RPS6KC1: variants seen among roughly 807,000 people sequenced by gnomAD.
The protein encoded by RPS6KC1 is ribosomal protein S6 kinase C1.
A neutral mutation model predicts 103.8 loss-of-function variants in RPS6KC1; 54 were observed. That is an observed-to-expected ratio of 0.52 (90% CI 0.42 to 0.65). The LOEUF is 0.65. Ranked by LOEUF, RPS6KC1 falls within the 30% of genes least tolerant of loss-of-function variation. RPS6KC1 has a pLI of 0.00. For synonymous variants in RPS6KC1, 439 were observed against 438.7 expected, an observed-to-expected ratio of 1.00 and a Z score of -0.01; for missense variants, 1,151 against 1,253.8, an observed-to-expected ratio of 0.92 and a Z score of 1.24.
chr1:213,490,702 T>G, the RPS6KC1 span, among the ~76,000 whole-genome samples: 1 of 152,012 alleles, frequency 6.6e-6, no homozygotes, highest in Admixed American at 6.6e-5. Context: ...GGACTGTGAG[T>G]AGTGTAGAAG....
At chr1:213,225,219 C>G (rs2093931723) in intron 8 of RPS6KC1, among the ~76,000 whole-genome samples, 1 of 152,124 alleles carries the variant, frequency 6.6e-6, no homozygotes, top group Admixed American at 6.5e-5. Context: ...AATCATTTAG[C>G]CAACACCTGT....
chr1:213,387,033 C>T, the RPS6KC1 span, among the ~76,000 whole-genome samples: 30 of 152,338 alleles, frequency 2.0e-4, no homozygotes, highest in African/African-American at 6.7e-4. Context: ...ATTGCTAGAG[C>T]GCCTTTTGTG....
chr1:213,669,034 T>C, the RPS6KC1 span, among the ~76,000 whole-genome samples: 1 of 152,224 alleles, frequency 6.6e-6, no homozygotes, highest in Non-Finnish European at 1.5e-5. Flanking sequence ...CCACTCAAAC[T>C]TTCTTCATAT....
At chr1:213,204,191 A>G (rs920979618) in intron 8 of RPS6KC1, among the ~76,000 whole-genome samples, 1 of 152,168 alleles carries the variant, frequency 6.6e-6, no homozygotes, top group Non-Finnish European at 1.5e-5. Flanking sequence ...TTTATGTCTG[A>G]TATCTGTGTG....
rs116589833 is a variant in RPS6KC1 at position 213,229,981 on chromosome 1, T to C, written c.1045-516T>C. On this transcript the variant is annotated intron_variant, in intron 8 of 14. Coordinates refer to ENST00000366960, the MANE Select transcript of RPS6KC1 (RefSeq NM_012424.6). ...AAGGTGAGTTCAGATTCTGGATACA[T>C]TTTGAAGACAGAGCTGACAGGATTT... Among the ~76,000 whole-genome samples the C allele has an allele frequency of 7.0e-3, 1,067 of 152,258 alleles. 14 individuals are homozygous for C. Among genetic ancestry groups the C allele is most frequent in the African/African-American group, 0.024 (1,011 of 41,550 alleles).
At chr1:213,143,981 C>T (rs540832993) in intron 6 of RPS6KC1, among the ~76,000 whole-genome samples, 6 of 152,148 alleles carry the variant, frequency 3.9e-5, no homozygotes, top group South Asian at 4.1e-4. Context: ...TTCATAGTTA[C>T]ATTTCACAGT....
At chr1:213,497,283 A>C in the RPS6KC1 span, among the ~76,000 whole-genome samples, 1 of 152,174 alleles carries the variant, frequency 6.6e-6, no homozygotes, top group Non-Finnish European at 1.5e-5. Flanking sequence ...TATATGCCTC[A>C]ACTGAAAACC....
the RPS6KC1 span, among the ~76,000 whole-genome samples, chr1:213,699,802 G>A: frequency 3.1e-4 from 47 of 152,206 alleles, 1 homozygote; most frequent in East Asian, 8.3e-3. Context: ...GATCAGTGAT[G>A]TTGAGCACAT....
chr1:213,150,380 A>G (rs1269066664), intron 6 of RPS6KC1, among the ~76,000 whole-genome samples: 2 of 149,294 alleles, frequency 1.3e-5, no homozygotes, highest in African/African-American at 2.5e-5. Flanking sequence ...TGGCAGGGTC[A>G]TAGGACAATA....
chr1:213,334,161 A>G, the RPS6KC1 span, among the ~76,000 whole-genome samples: 1 of 152,198 alleles, frequency 6.6e-6, no homozygotes, highest in East Asian at 1.9e-4. Context: ...AATGCTTCAC[A>G]TGAATGAACT....
chr1:213,733,313 C>T, the RPS6KC1 span, among the ~76,000 whole-genome samples: 11 of 151,260 alleles, frequency 7.3e-5, no homozygotes, highest in Admixed American at 3.3e-4. Flanking sequence ...GAACATGGCT[C>T]ACTGCAGCCT....
the RPS6KC1 span, among the ~76,000 whole-genome samples, chr1:213,646,897 A>ATATATTTTT: frequency 6.6e-6 from 1 of 150,436 alleles, no homozygotes; most frequent in African/African-American, 2.5e-5. Context: ...ATATATATAT[A>ATATATTTTT]TTTTTGTTTG....
the RPS6KC1 span, among the ~76,000 whole-genome samples, chr1:213,637,616 AATG>A: frequency 6.6e-6 from 1 of 152,122 alleles, no homozygotes; most frequent in Non-Finnish European, 1.5e-5. Flanking sequence ...TACTGGTTGA[AATG>A]ATAAGTTTAT....
chr1:213,627,780 A>G, the RPS6KC1 span, among the ~76,000 whole-genome samples: 476 of 152,314 alleles, frequency 3.1e-3, 3 homozygotes, highest in African/African-American at 0.011. Flanking sequence ...AGCCCACTTG[A>G]TCATGATGGA....
chr1:213,271,541 G>A (rs945203288), intron 14 of RPS6KC1, among the ~76,000 whole-genome samples: 11 of 152,048 alleles, frequency 7.2e-5, no homozygotes, highest in Admixed American at 1.3e-4. Flanking sequence ...CGAGACGGGC[G>A]GATCACGAGG....
the RPS6KC1 span, among the ~76,000 whole-genome samples, chr1:213,367,107 A>C: frequency 6.6e-6 from 1 of 152,220 alleles, no homozygotes; most frequent in East Asian, 1.9e-4. Flanking sequence ...GTTCCTCGGC[A>C]TCCCTCCTAA....
chr1:213,340,089 G>A, the RPS6KC1 span, among the ~76,000 whole-genome samples: 1 of 151,976 alleles, frequency 6.6e-6, no homozygotes. Context: ...AGACAGGTTG[G>A]TCAGGCTGGT....
intron 4 of RPS6KC1, among the ~76,000 whole-genome samples, chr1:213,114,038 T>C (rs1363421950): frequency 7.2e-5 from 11 of 151,982 alleles, no homozygotes; most frequent in Non-Finnish European, 8.8e-5. Flanking sequence ...GACTTGGCGA[T>C]GTGGGCTCTT....
chr1:213,611,338 T>C, the RPS6KC1 span, among the ~76,000 whole-genome samples: 1 of 152,108 alleles, frequency 6.6e-6, no homozygotes, highest in African/African-American at 2.4e-5. Flanking sequence ...ATGAAGCACA[T>C]GTTTTTCTCG....
Sources: gnomAD v4.1 joint callset for allele counts (sites outside exome capture counted in the v4.1 genomes callset) on GRCh38, gnomAD v4.1.1 for gene constraint, MANE v1.5 for transcripts, NCBI Gene and HGNC (gene_info 2026-07-23, HGNC 2026-07-21) for gene names.